The following KCNMA1 variants were observed in gnomAD, a reference collection of about 807,000 sequenced individuals.
KCNMA1 encodes the protein potassium calcium-activated channel subfamily M alpha 1.
A neutral mutation model predicts 140.0 loss-of-function variants in KCNMA1; 29 were observed. The observed-to-expected ratio is 0.21, with a 90% confidence interval of 0.15 to 0.28. The LOEUF (loss-of-function observed/expected upper bound fraction) is 0.28. Among genes scored for constraint, KCNMA1 ranks in the 10% least tolerant of loss-of-function variants. The pLI, the probability that KCNMA1 is intolerant of heterozygous loss-of-function variation, is 1.00. For synonymous variants in KCNMA1, 612 were observed against 611.9 expected, an observed-to-expected ratio of 1.00 and a Z score of 0.00; for missense variants, 880 against 1,602.2, an observed-to-expected ratio of 0.55 and a Z score of 7.70.
At chr10:76,900,779 G>A (rs1209207841) in intron 25 of KCNMA1, among the ~76,000 whole-genome samples, 2 of 151,596 alleles carry the variant, frequency 1.3e-5, no homozygotes, top group Non-Finnish European at 2.9e-5. Context: ...AATGACAATC[G>A]GCATTTGCCA....
intron 1 of KCNMA1, among the ~76,000 whole-genome samples, chr10:77,522,507 C>T (rs952756353): frequency 2.6e-5 from 4 of 152,208 alleles, no homozygotes; most frequent in Admixed American, 6.5e-5. Flanking sequence ...TTTAAACACA[C>T]GTGTCAGAAA....
chr10:76,871,161 C>A (rs1405186114), exon 28 of KCNMA1: 1 of 152,508 alleles, frequency 6.6e-6, no homozygotes, highest in Non-Finnish European at 1.5e-5. Flanking sequence ...GCTTCCACAT[C>A]TGCAGGGCCT....
At chr10:77,142,681 A>G (rs2098206314) in intron 5 of KCNMA1, among the ~76,000 whole-genome samples, 1 of 152,224 alleles carries the variant, frequency 6.6e-6, no homozygotes, top group South Asian at 2.1e-4. Flanking sequence ...CAATGTGTTT[A>G]AAAAGAAATT....
chr10:77,143,703 CAA>C (rs2098230722), intron 5 of KCNMA1, among the ~76,000 whole-genome samples: 1 of 151,852 alleles, frequency 6.6e-6, no homozygotes, highest in Non-Finnish European at 1.5e-5. Flanking sequence ...AGATAGGACA[CAA>C]AAGGCACTCA....
At chr10:77,444,940 C>G (rs11002169) in intron 1 of KCNMA1, among the ~76,000 whole-genome samples, 2 of 152,300 alleles carry the variant, frequency 1.3e-5, no homozygotes, top group African/African-American at 4.8e-5. Context: ...ATTATCTCCC[C>G]AGACAGAGGC....
downstream of KCNMA1, chr10:76,883,946 T>C (rs2035721048): frequency 1.1e-6 from 1 of 932,748 alleles, no homozygotes. Flanking sequence ...TTCTCCATCA[T>C]CAAATTTATC....
intron 1 of KCNMA1, among the ~76,000 whole-genome samples, chr10:77,427,557 C>T (rs1197697332): frequency 1.3e-5 from 2 of 151,802 alleles, no homozygotes; most frequent in Non-Finnish European, 2.9e-5. Context: ...AAGGGCCTTC[C>T]CTCCCCTCTC....
intron 2 of KCNMA1, among the ~76,000 whole-genome samples, chr10:77,331,984 A>C (rs564723312): frequency 6.6e-5 from 10 of 152,240 alleles, no homozygotes; most frequent in African/African-American, 2.4e-4. Context: ...ATGCACATAG[A>C]TGAGATCCAC....
intron 2 of KCNMA1, among the ~76,000 whole-genome samples, chr10:77,331,515 T>C (rs185292310): frequency 1.2e-3 from 183 of 152,166 alleles, no homozygotes; most frequent in African/African-American, 4.3e-3. Context: ...TCCTCATATT[T>C]ACTTAATAAA....
chr10:77,089,736 A>G (rs1260667411), intron 10 of KCNMA1, among the ~76,000 whole-genome samples: 1 of 152,212 alleles, frequency 6.6e-6, no homozygotes, highest in Non-Finnish European at 1.5e-5. Flanking sequence ...CTAGGTAGGA[A>G]CTACTATCAT....
At chr10:77,361,267 T>A (rs769862030) in intron 2 of KCNMA1, among the ~76,000 whole-genome samples, 13 of 152,322 alleles carry the variant, frequency 8.5e-5, no homozygotes, top group Middle Eastern at 3.4e-3. Context: ...ATCATCATCA[T>A]TGGGGCAGAC....
chr10:77,394,936 G>C (rs1488838699), intron 2 of KCNMA1, among the ~76,000 whole-genome samples: 1 of 152,172 alleles, frequency 6.6e-6, no homozygotes, highest in Non-Finnish European at 1.5e-5. Flanking sequence ...AGCCACAGAC[G>C]ATACGTAAAT....
At chr10:77,511,353 A>C (rs2048327931) in intron 1 of KCNMA1, among the ~76,000 whole-genome samples, 1 of 152,242 alleles carries the variant, frequency 6.6e-6, no homozygotes, top group Non-Finnish European at 1.5e-5. Context: ...AATGCCAAAG[A>C]AATCAAGTAT....
At chr10:77,594,584 A>T (rs562160357) in intron 1 of KCNMA1, among the ~76,000 whole-genome samples, 39 of 152,300 alleles carry the variant, frequency 2.6e-4, no homozygotes, top group African/African-American at 8.9e-4. Flanking sequence ...CACTCATCTT[A>T]CTTCCTCATA....
chr10:76,915,652 C>T (rs2052506933), intron 23 of KCNMA1, among the ~76,000 whole-genome samples: 1 of 152,086 alleles, frequency 6.6e-6, no homozygotes, highest in Non-Finnish European at 1.5e-5. Context: ...ACAACATAAC[C>T]TAACCTGGCC....
chr10:77,423,283 G>T (rs994525737), intron 1 of KCNMA1, among the ~76,000 whole-genome samples: 1 of 152,202 alleles, frequency 6.6e-6, no homozygotes, highest in African/African-American at 2.4e-5. Context: ...CACATGTCCT[G>T]TTTCTCACTG....
chr10:77,039,103 C>T lies in KCNMA1; in HGVS notation c.1859+425G>A, dbSNP rs184063524. 2.7e-5 allele frequency: 6 copies of T among 225,500 alleles called. No homozygotes were observed. The East Asian group carries it at 5.1e-4, about 19-fold the overall frequency. 14.0% of individuals were successfully genotyped at this position (225,500 alleles called of 1,614,324 possible). ...ACTTTGAATGGCTTTATTTCAGTAG[C>T]TTCTCTGTTGTCTCTATGATCAGAC... On this transcript the variant is annotated intron_variant, in intron 15 of 27. Transcript: ENST00000286628.
At chr10:77,225,990 A>T (rs1426489089) in intron 3 of KCNMA1, among the ~76,000 whole-genome samples, 1 of 152,200 alleles carries the variant, frequency 6.6e-6, no homozygotes, top group African/African-American at 2.4e-5. Context: ...GCCAAGTGAC[A>T]TGTGTCTGTG....
intron 2 of KCNMA1, among the ~76,000 whole-genome samples, chr10:77,291,127 T>A (rs993782413): frequency 3.9e-5 from 6 of 152,178 alleles, no homozygotes; most frequent in African/African-American, 1.4e-4. Flanking sequence ...TCCCCATGAA[T>A]TTAGTACCAG....
Sources: gnomAD v4.1 joint callset for allele counts (sites outside exome capture counted in the v4.1 genomes callset) on GRCh38, gnomAD v4.1.1 for gene constraint, MANE v1.5 for transcripts, NCBI Gene and HGNC (gene_info 2026-07-23, HGNC 2026-07-21) for gene names.